Variants in FAM120B observed in about 807,000 individuals in gnomAD.
FAM120B encodes the protein family with sequence similarity 120 member B, also known as constitutive coactivator of peroxisome proliferator-activated receptor gamma.
Under a neutral mutation model 96.3 loss-of-function variants are expected in FAM120B, and 83 were observed. The observed-to-expected ratio is 0.86, with a 90% CI of 0.72 to 1.03. The LOEUF is 1.03. Ranked by LOEUF, FAM120B falls within the 50% of genes least tolerant of loss-of-function variation. FAM120B has a pLI of 0.00. For missense variants in FAM120B, 1,027 were observed against 1,121.2 expected (o/e 0.92, Z 1.20); for synonymous variants, 407 against 402.7 (o/e 1.01, Z -0.13).
At position 170,388,327 on chromosome 6, in the gene FAM120B, T is replaced by C; in HGVS notation, c.2324T>C (p.Leu775Pro). The C allele has an allele frequency of 3.1e-6, 5 of 1,614,168 alleles. No individual in the cohort carries two copies. Among genetic ancestry groups the C allele is most frequent in the Non-Finnish European group, 4.2e-6 (5 of 1,180,048 alleles). ...CCCAGAGCCGTGCAGCTGGGCTCCC[T>C]TCTCGTCCGCGGCCTCACCACTCTG... ...INPRAVQLGS[L>P]LVRGLTTLVL... Residue 775 changes from leucine to proline, a missense_variant, in exon 7 of 11, where the codon CTT becomes CCT. Leu to Pro is a moderately conservative substitution (Grantham distance 98, BLOSUM62 -3). Coordinates refer to ENST00000476287, the MANE Select transcript of FAM120B (RefSeq NM_032448.3).
chr6:170,290,970 C>G (rs983689351), upstream of FAM120B: 6 of 701,392 alleles, frequency 8.6e-6, no homozygotes, highest in East Asian at 1.6e-4. The surrounding 1 kb of genome is among the most constrained non-coding windows in gnomAD (Gnocchi z 4.7). Flanking sequence ...CAGCCGGCCG[C>G]CCGCATGGCT....
chr6:170,347,650 C>T (rs564900614), intron 4 of FAM120B, among the ~76,000 whole-genome samples: 72 of 152,302 alleles, frequency 4.7e-4, no homozygotes, highest in African/African-American at 1.7e-3. Context: ...CCATACCTGT[C>T]TAATCAAATC....
At chr6:170,311,178 A>G (rs1043352248) in intron 1 of FAM120B, among the ~76,000 whole-genome samples, 5 of 152,222 alleles carry the variant, frequency 3.3e-5, no homozygotes, top group Non-Finnish European at 7.3e-5. Context: ...CCATCCCCAG[A>G]ACATACGCAG....
intron 4 of FAM120B, among the ~76,000 whole-genome samples, chr6:170,344,756 C>T (rs1274940197): frequency 1.3e-5 from 2 of 152,206 alleles, no homozygotes; most frequent in African/African-American, 4.8e-5. Context: ...TTACATTCCC[C>T]CAGTCAGCTT....
intron 6 of FAM120B, among the ~76,000 whole-genome samples, chr6:170,367,434 C>T (rs1350530095): frequency 6.6e-6 from 1 of 152,256 alleles, no homozygotes; most frequent in African/African-American, 2.4e-5. Flanking sequence ...CATAGCCATG[C>T]TCAGTCATTT....
chr6:170,322,344 A>G (rs1442469423), intron 2 of FAM120B, among the ~76,000 whole-genome samples: 1 of 152,238 alleles, frequency 6.6e-6, no homozygotes, highest in East Asian at 1.9e-4. Flanking sequence ...TATGAGCTCC[A>G]TAAGGCAAGC....
intron 1 of FAM120B, among the ~76,000 whole-genome samples, chr6:170,301,032 G>T (rs1784129882): frequency 2.0e-5 from 3 of 152,226 alleles, no homozygotes; most frequent in Non-Finnish European, 4.4e-5. Context: ...CCATTAGGTG[G>T]TGTGCCAGTG....
At chr6:170,321,038 G>A (rs2115033891) in intron 2 of FAM120B, among the ~76,000 whole-genome samples, 1 of 152,360 alleles carries the variant, frequency 6.6e-6, no homozygotes, top group East Asian at 1.9e-4. Flanking sequence ...TTTGGCAGTG[G>A]AAGAGACTTT....
chr6:170,326,458 T>A (rs1380474815), intron 3 of FAM120B, among the ~76,000 whole-genome samples: 1 of 152,220 alleles, frequency 6.6e-6, no homozygotes, highest in Non-Finnish European at 1.5e-5. Flanking sequence ...TTCAGAATGT[T>A]ACATAAATGG....
rs367943220 is a variant in FAM120B, at chr6:170,377,029, G to T, written c.2284-11258G>T. 1.4e-3 allele frequency among the ~76,000 whole-genome samples: 128 copies of T among 90,230 alleles called. No individual in the cohort carries two copies. The East Asian group carries it at 0.015, about 11-fold the overall frequency. 59.2% of individuals were successfully genotyped at this position (90,230 alleles called of 152,430 possible). On this transcript the variant is annotated intron_variant, in intron 6 of 10. Transcript: ENST00000476287. ...GGGAGAACACAGGCTCACGCTGCTC[G>T]GTGCTGTGCACACGCGTCCCTAAAC...
intron 5 of FAM120B, among the ~76,000 whole-genome samples, chr6:170,352,792 C>G (rs2115161563): frequency 6.6e-6 from 1 of 152,146 alleles, no homozygotes; most frequent in East Asian, 1.9e-4. Flanking sequence ...GGAAAGATCT[C>G]AAGTTAACAA....
intron 1 of FAM120B, among the ~76,000 whole-genome samples, chr6:170,296,849 G>T (rs1471833135): frequency 6.6e-6 from 1 of 152,148 alleles, no homozygotes; most frequent in African/African-American, 2.4e-5. Context: ...GGCTGCATCC[G>T]GGGGGTCGAG....
At chr6:170,383,388 A>G (rs1479091267) in intron 6 of FAM120B, among the ~76,000 whole-genome samples, 1 of 152,232 alleles carries the variant, frequency 6.6e-6, no homozygotes, top group Non-Finnish European at 1.5e-5. Flanking sequence ...ACTGCCAGGG[A>G]GAAAATACTT....
At chr6:170,400,013 T>A (rs112756154) in intron 9 of FAM120B, among the ~76,000 whole-genome samples, 1 of 144,222 alleles carries the variant, frequency 6.9e-6, no homozygotes, top group East Asian at 2.9e-4. Flanking sequence ...TCATAACTCT[T>A]AGGAGTGAGT....
At chr6:170,361,374 A>T (rs1788452089) in intron 6 of FAM120B, among the ~76,000 whole-genome samples, 1 of 151,720 alleles carries the variant, frequency 6.6e-6, no homozygotes, top group Admixed American at 6.6e-5. Flanking sequence ...AATACATAAG[A>T]ATACAAGAAC....
Position 170,388,385 on chromosome 6 carries a change from G to A in FAM120B, c.2382G>A (p.Trp794Ter), listed in dbSNP as rs1376880502. Residue 794 changes from tryptophan to a stop codon, truncating the protein, a stop_gained, in exon 7 of 11, where the codon TGG becomes TGA. Coordinates refer to ENST00000476287, the MANE Select transcript of FAM120B (RefSeq NM_032448.3). LOFTEE classifies it high-confidence loss of function. The part of the protein sequence containing the change: ...VLVNSACGFP[W>*]KTSDFMPWNV... The stretch of plus-strand genomic sequence containing the variant: ...TCAACAGCGCATGTGGCTTCCCCTG[G>A]AAGACGAGTGATTTCATGCCCTGGA... The A allele has an allele frequency of 1.2e-6, 2 of 1,614,152 alleles. No homozygotes were observed. The highest frequency in any genetic ancestry group is 2.2e-5 in the East Asian group (1 of 44,884).
rs1487249900 is a variant in FAM120B at position 170,330,455 on chromosome 6, C to G, written c.1922C>G (p.Thr641Ser). ...CCCAACTCTTTTTCTTCAGATGTCA[C>G]CAGCACCTGCCTAGCTGTCAAGGAG... ...SLLLEDCQDVTSTCLAVKEWF... is the reference protein window; with the variant it reads ...SLLLEDCQDVSSTCLAVKEWF... The change falls in exon 4 of 11, where the codon ACC becomes AGC. Residue 641 changes from threonine to serine, a missense_variant. Thr to Ser is a moderately conservative substitution (Grantham distance 58). This residue lies in a region of FAM120B where 880 missense variants were observed against 980.9 expected (regional missense o/e 0.90). Transcript: ENST00000476287. 1 of 1,614,000 alleles carries G rather than the reference C, an allele frequency of 6.2e-7. No individual in the cohort carries two copies. The highest frequency in any genetic ancestry group is 1.7e-5 in the Admixed American group (1 of 60,018).
chr6:170,378,517 G>A (rs1789713582), intron 6 of FAM120B, among the ~76,000 whole-genome samples: 1 of 152,212 alleles, frequency 6.6e-6, no homozygotes, highest in Non-Finnish European at 1.5e-5. Context: ...AAAATACGTT[G>A]AGCGCCTATT....
intron 9 of FAM120B, 102 bp downstream of exon 9, chr6:170,395,681 A>G: frequency 1.3e-6 from 1 of 780,762 alleles, no homozygotes; most frequent in South Asian, 1.5e-5. Flanking sequence ...GAAAGGTTGT[A>G]TAGTTCCAGT....
Sources: allele counts gnomAD v4.1 joint callset (sites outside exome capture counted in the v4.1 genomes callset), GRCh38; gene constraint gnomAD v4.1.1; regional missense constraint gnomAD v4.1.1; non-coding constraint Gnocchi (gnomAD v3.1); transcripts MANE v1.5; gene names NCBI Gene and HGNC (gene_info 2026-07-23, HGNC 2026-07-21).